AFF3: variants seen among roughly 807,000 people sequenced by gnomAD.
AFF3 encodes AF4/FMR2 family member 3.
In AFF3, 32 loss-of-function variants were observed where a neutral mutation model predicts 129.7. The observed-to-expected ratio is 0.25, with a 90% CI of 0.19 to 0.33. The LOEUF (loss-of-function observed/expected upper bound fraction) is 0.33, where lower values mean the gene tolerates loss of function less well. Ranked by LOEUF, AFF3 falls within the 10% of genes least tolerant of loss-of-function variation. The pLI, the probability that AFF3 is intolerant of heterozygous loss-of-function variation, is 1.00. For missense variants in AFF3, 1,373 were observed against 1,592.0 expected (o/e 0.86, Z 2.34); for synonymous variants, 644 against 635.4 (o/e 1.01, Z -0.20).
intron 7 of AFF3, among the ~76,000 whole-genome samples, chr2:99,943,984 C>T (rs558127367): frequency 6.6e-6 from 1 of 152,126 alleles, no homozygotes; most frequent in East Asian, 1.9e-4. Context: ...CTCACAGCCT[C>T]GACCTCCTGG....
Position 100,109,593 on chromosome 2 carries a change from T to G in AFF3, c.-144-4010A>C, listed in dbSNP as rs2576619. Among the ~76,000 whole-genome samples, 9 of 152,348 alleles carry G rather than the reference T, an allele frequency of 5.9e-5. No individual in the cohort carries two copies. In the East Asian group the frequency reaches 1.7e-3, roughly 29 times the overall value. On this transcript the variant is annotated intron_variant, in intron 2 of 24. Transcript: ENST00000672756. ...TATCCCCACAGGTTCTTTGTCATGC[T>G]TCTTCAAGATGTGCCCTGGCCATTC...
chr2:99,911,140 T>C (rs1449976789), intron 7 of AFF3, among the ~76,000 whole-genome samples: 1 of 152,242 alleles, frequency 6.6e-6, no homozygotes, highest in Admixed American at 6.5e-5. Flanking sequence ...AGCACCTTAG[T>C]CCATCTATTC....
chr2:99,772,607 T>C (rs779584580), intron 8 of AFF3, among the ~76,000 whole-genome samples: 10 of 152,196 alleles, frequency 6.6e-5, no homozygotes, highest in Non-Finnish European at 8.8e-5. Context: ...CAGGAAGATA[T>C]GGTGGCAATT....
chr2:99,652,777 C>T (rs1685386976), intron 12 of AFF3, among the ~76,000 whole-genome samples: 1 of 152,186 alleles, frequency 6.6e-6, no homozygotes, highest in East Asian at 1.9e-4. Flanking sequence ...CTACTATGGA[C>T]AATCCAAGGG....
chr2:99,575,255 C>T (rs1676871266), intron 18 of AFF3, among the ~76,000 whole-genome samples: 1 of 151,738 alleles, frequency 6.6e-6, no homozygotes, highest in Non-Finnish European at 1.5e-5. Context: ...GAGACGATGC[C>T]TATTTTTGCT....
intron 4 of AFF3, among the ~76,000 whole-genome samples, chr2:100,077,852 T>G (rs1688702604): frequency 6.6e-6 from 1 of 152,128 alleles, no homozygotes; most frequent in South Asian, 2.1e-4. Flanking sequence ...AGCCTCTAAT[T>G]TTATCCAAGA....
At chr2:99,981,351 G>C (rs187080156) in intron 7 of AFF3, among the ~76,000 whole-genome samples, 23 of 152,276 alleles carry the variant, frequency 1.5e-4, no homozygotes, top group African/African-American at 5.5e-4. Flanking sequence ...TTAGGGCATA[G>C]AGATTTTTTC....
intron 7 of AFF3, among the ~76,000 whole-genome samples, chr2:99,994,156 C>G (rs189832432): frequency 2.0e-5 from 3 of 152,098 alleles, no homozygotes; most frequent in East Asian, 1.9e-4. Flanking sequence ...CAAACTGATA[C>G]GCAGACTGAA....
intron 4 of AFF3, among the ~76,000 whole-genome samples, chr2:100,077,210 T>C (rs559306493): frequency 6.6e-6 from 1 of 152,184 alleles, no homozygotes; most frequent in South Asian, 2.1e-4. Context: ...GATCATACCA[T>C]TGCACTCCAG....
At chr2:99,865,583 CAT>C (rs1279776314) in intron 7 of AFF3, among the ~76,000 whole-genome samples, 7 of 152,148 alleles carry the variant, frequency 4.6e-5, no homozygotes, top group African/African-American at 1.7e-4. Context: ...ACTCCAAGAA[CAT>C]ATATATGAGT....
chr2:99,609,697 G>T (rs1014582175), intron 13 of AFF3, among the ~76,000 whole-genome samples: 3 of 152,152 alleles, frequency 2.0e-5, no homozygotes, highest in South Asian at 2.1e-4. Context: ...ACTGGAAGTT[G>T]CAAGAAAAAT....
chr2:99,933,824 G>C lies in AFF3; in HGVS notation c.873+72808C>G, dbSNP rs560879274. ...TAAACATACATGTACATGTGTGAAA[G>C]GCTCTTTCAAATACGAGACTTGACA... On this transcript the variant is annotated intron_variant, in intron 7 of 24. Transcript: ENST00000672756. Among the ~76,000 whole-genome samples, 3 of 152,198 alleles carry C rather than the reference G, an allele frequency of 2.0e-5. No individual in the cohort carries two copies. In the East Asian group the frequency reaches 5.8e-4, roughly 29 times the overall value.
At chr2:100,108,954 C>T (rs1330905603) in intron 2 of AFF3, among the ~76,000 whole-genome samples, 1 of 123,466 alleles carries the variant, frequency 8.1e-6, no homozygotes, top group Non-Finnish European at 1.7e-5. Context: ...CAGGTTTTTC[C>T]CTAAGGAATG....
At chr2:99,787,937 T>C (rs1684924903) in intron 8 of AFF3, among the ~76,000 whole-genome samples, 2 of 152,140 alleles carry the variant, frequency 1.3e-5, no homozygotes, top group Non-Finnish European at 2.9e-5. Flanking sequence ...CTTGGTGACA[T>C]TTTGGTTAAT....
chr2:100,104,484 C>G lies in AFF3; in HGVS notation c.-30G>C. Reference sequence around the variant, plus strand: ...GGAGGTGTCAGCGTCGCCGCCGCCGCTACCGCCGCCGCCGAGGCTCGGGCC... The same window carrying G: ...GGAGGTGTCAGCGTCGCCGCCGCCGGTACCGCCGCCGCCGAGGCTCGGGCC... On this transcript the variant is annotated 5_prime_UTR_variant, in exon 4 of 25. Coordinates refer to ENST00000672756, the MANE Select transcript of AFF3 (RefSeq NM_001386135.1). 1 of 1,305,120 alleles carries G rather than the reference C, an allele frequency of 7.7e-7. No homozygotes were observed. Among genetic ancestry groups the G allele is most frequent in the Non-Finnish European group, 1.0e-6 (1 of 1,001,782 alleles). 80.8% of individuals were successfully genotyped at this position (1,305,120 alleles called of 1,614,324 possible). A position where few individuals can be genotyped will look rare whatever the true frequency, so the allele number is the denominator to read the frequency against.
At chr2:100,077,811 A>C (rs1174609803) in intron 4 of AFF3, among the ~76,000 whole-genome samples, 1 of 152,204 alleles carries the variant, frequency 6.6e-6, no homozygotes, top group Non-Finnish European at 1.5e-5. Flanking sequence ...AGAGTTTTTA[A>C]GGCTGGATAA....
intron 7 of AFF3, among the ~76,000 whole-genome samples, chr2:99,882,326 T>C (rs529507625): frequency 9.8e-5 from 15 of 152,328 alleles, no homozygotes; most frequent in African/African-American, 3.6e-4. Context: ...CGTTAACCAA[T>C]CTAGGCATTC....
intron 4 of AFF3, among the ~76,000 whole-genome samples, chr2:100,089,262 CCT>C (rs1156875745): frequency 1.6e-4 from 23 of 147,446 alleles, no homozygotes; most frequent in African/African-American, 5.8e-4. Flanking sequence ...AAAATTAAAA[CCT>C]GGCTCAAGTT....
At chr2:100,073,695 C>T (rs1464594634) in intron 4 of AFF3, among the ~76,000 whole-genome samples, 1 of 152,196 alleles carries the variant, frequency 6.6e-6, no homozygotes, top group African/African-American at 2.4e-5. Context: ...ATATCATAGT[C>T]AGAAGTTAAA....
Sources: allele counts gnomAD v4.1 joint callset (sites outside exome capture counted in the v4.1 genomes callset), GRCh38; gene constraint gnomAD v4.1.1; transcripts MANE v1.5; gene names NCBI Gene and HGNC (gene_info 2026-07-23, HGNC 2026-07-21).